RHBDL1: variants seen among roughly 807,000 people sequenced by gnomAD.
The protein encoded by RHBDL1 is rhomboid-related protein 1.
Under a neutral mutation model 34.0 loss-of-function variants are expected in RHBDL1, and 21 were observed. That is an observed-to-expected ratio of 0.62 (90% confidence interval 0.44 to 0.89). The LOEUF is 0.89. RHBDL1 is among the 40% of genes least tolerant of loss of function. RHBDL1 has a pLI of 0.00. For synonymous variants in RHBDL1, 268 were observed against 234.8 expected (o/e 1.14, Z -1.29); for missense variants, 450 against 530.6 (o/e 0.85, Z 1.49).
chr16:676,842 C>T lies in RHBDL1; in HGVS notation c.372C>T (p.Tyr124=), dbSNP rs748530199. 9 of 1,611,810 alleles carry T rather than the reference C, an allele frequency of 5.6e-6. No individual in the cohort carries two copies. Among genetic ancestry groups the T allele is most frequent in the South Asian group, 3.3e-5 (3 of 91,018 alleles). The change falls in exon 3 of 8, where the codon TAC becomes TAT. Residue 124 remains tyrosine, a synonymous_variant. Coordinates refer to ENST00000352681, the MANE Select transcript of RHBDL1 (RefSeq NM_001278720.2). The surrounding 1 kb of genome is among the most constrained non-coding windows in gnomAD (Gnocchi z 6.9). The part of the protein sequence containing the change: ...PCEVDRRWYF[Y]RHRSCPPPVF... The stretch of plus-strand genomic sequence containing the variant: ...AGGTGGACCGCCGCTGGTACTTCTA[C>T]CGTCACCGCAGCTGCCCACCCCCCG...
chr16:676,216 G>A lies in RHBDL1; in HGVS notation c.40-120G>A. The A allele has an allele frequency of 6.5e-7, 1 of 1,540,794 alleles. No homozygotes were observed. The highest frequency in any genetic ancestry group is 8.8e-7 in the Non-Finnish European group (1 of 1,141,438). ...GGGTCCCAGGGAACAGACAGGCACG[G>A]GGCCCCTGTCCCAAAAGTGCTGGGA... On this transcript the variant is annotated intron_variant, in intron 1 of 7. Transcript: ENST00000352681. This position sits in a 1 kb window ranked among gnomAD's most constrained non-coding sequence, Gnocchi z 6.9.
rs779815804 is a variant in RHBDL1 at position 676,626 on chromosome 16, G to A, written c.202-46G>A. On this transcript the variant is annotated intron_variant, in intron 2 of 7. Coordinates refer to ENST00000352681, the MANE Select transcript of RHBDL1 (RefSeq NM_001278720.2). This position sits in a 1 kb window ranked among gnomAD's most constrained non-coding sequence, Gnocchi z 6.9. ...AGCTGGGTGAGCCTCACAGGCAGGGGTGCCATGGGGAGGTCCGTGGCCCAC... is the reference window on the plus strand; with the variant it reads ...AGCTGGGTGAGCCTCACAGGCAGGGATGCCATGGGGAGGTCCGTGGCCCAC... 11 of 1,596,956 alleles carry A rather than the reference G, an allele frequency of 6.9e-6. No individual in the cohort carries two copies. Among genetic ancestry groups the A allele is most frequent in the Non-Finnish European group, 9.4e-6 (11 of 1,172,726 alleles).
At position 676,668 on chromosome 16, in the gene RHBDL1, C is replaced by T; in HGVS notation, c.202-4C>T. ...GTGGCCCACACTCAGGCCCCTGCCC[C>T]CAGATCAGCAGCAAGCGCTCCAGCA... is the stretch of plus-strand genomic sequence containing the variant. On this transcript the variant is annotated splice_region_variant and splice_polypyrimidine_tract_variant and intron_variant, in intron 2 of 7. Transcript: ENST00000352681. This position sits in a 1 kb window ranked among gnomAD's most constrained non-coding sequence, Gnocchi z 6.9. The T allele has an allele frequency of 6.2e-7, 1 of 1,610,976 alleles. No individual in the cohort carries two copies. The highest frequency in any genetic ancestry group is 1.7e-5 in the Admixed American group (1 of 59,996).
In RHBDL1 at chr16:676,745, C is replaced by G. The variant is rs560884304; in HGVS notation, c.275C>G (p.Pro92Arg). Reference protein sequence around the residue: ...NGQRALPRDGPLDEPGLGVYK... With the variant: ...NGQRALPRDGRLDEPGLGVYK... ...CAGCGGGCACTGCCCCGGGACGGGCCGCTGGATGAGCCAGGCCTAGGTGTC... is the reference window on the plus strand; with the variant it reads ...CAGCGGGCACTGCCCCGGGACGGGCGGCTGGATGAGCCAGGCCTAGGTGTC... Residue 92 changes from proline (P) to arginine (R), a missense_variant, in exon 3 of 8, where the codon CCG (proline) becomes CGG (arginine). Pro to Arg is a moderately radical substitution (Grantham distance 103, BLOSUM62 -2). Coordinates refer to ENST00000352681, the MANE Select transcript of RHBDL1 (RefSeq NM_001278720.2). The surrounding 1 kb of genome is among the most constrained non-coding windows in gnomAD (Gnocchi z 6.9). The G allele has an allele frequency of 6.2e-7, 1 of 1,612,030 alleles. No individual in the cohort carries two copies. The highest frequency in any genetic ancestry group is 2.2e-5 in the East Asian group (1 of 44,856).
chr16:678,266 G>A lies in RHBDL1; in HGVS notation c.*214G>A, dbSNP rs998940044. 1.5e-6 allele frequency: 2 copies of A among 1,321,282 alleles called. No homozygotes were observed. Among genetic ancestry groups the A allele is most frequent in the African/African-American group, 3.0e-5 (2 of 65,762 alleles). The allele number at this position is 1,321,282 out of a possible 1,614,324, so 81.8% of individuals were successfully genotyped here. The stretch of plus-strand genomic sequence containing the variant: ...GGATAATTAATAAATATTTTACACA[G>A]CACCAGGGGGCTGTCCCGGGCTCTG... On this transcript the variant is annotated 3_prime_UTR_variant, in exon 8 of 8. Coordinates refer to ENST00000352681, the MANE Select transcript of RHBDL1 (RefSeq NM_001278720.2).
intron 1 of RHBDL1, 142 bp downstream of exon 1, chr16:675,971 C>T (rs2039527742): frequency 6.5e-6 from 9 of 1,391,712 alleles, no homozygotes; most frequent in Non-Finnish European, 2.8e-6. Flanking sequence ...GTCCGTGTGT[C>T]TGGGACCCCA....
rs770519327 is a variant in RHBDL1, at chr16:676,914, T to C, written c.426+18T>C. The C allele has an allele frequency of 9.3e-6, 15 of 1,611,444 alleles. No individual in the cohort carries two copies. In the African/African-American group the frequency reaches 9.4e-5, roughly 10 times the overall value. On this transcript the variant is annotated intron_variant, in intron 3 of 7. Transcript: ENST00000352681. This position sits in a 1 kb window ranked among gnomAD's most constrained non-coding sequence, Gnocchi z 6.9. Reference sequence around the variant, plus strand: ...TTGCCCAGGTGGGCCCCCCGGCCGCTGCCCCGGGAGCCTCCCGCGCTCCTG... The same window carrying C: ...TTGCCCAGGTGGGCCCCCCGGCCGCCGCCCCGGGAGCCTCCCGCGCTCCTG...
rs1366952943 is a variant in RHBDL1 at position 678,195 on chromosome 16, C to T, written c.*143C>T. ...GGTGGCCTCAAAGGAGGCCCTGTCC[C>T]AGCCACCCACCCCCCACTCCCAGGA... is the stretch of plus-strand genomic sequence containing the variant. On this transcript the variant is annotated 3_prime_UTR_variant, in exon 8 of 8. Transcript: ENST00000352681. The T allele has an allele frequency of 2.2e-6, 3 of 1,388,230 alleles. No individual in the cohort carries two copies. Among genetic ancestry groups the T allele is most frequent in the Non-Finnish European group, 2.8e-6 (3 of 1,077,576 alleles). 86.0% of individuals were successfully genotyped at this position (1,388,230 alleles called of 1,614,324 possible). A position where few individuals can be genotyped will look rare whatever the true frequency, so the allele number is the denominator to read the frequency against.
chr16:676,301 G>C lies in RHBDL1; in HGVS notation c.40-35G>C, dbSNP rs139776304. ...GCCCTTTGGTCCAGGGGTCGGGCCC[G>C]CACTCAGGCCTTGGCTGGCGGCTCC... On this transcript the variant is annotated intron_variant, in intron 1 of 7. Coordinates refer to ENST00000352681, the MANE Select transcript of RHBDL1 (RefSeq NM_001278720.2). This position sits in a 1 kb window ranked among gnomAD's most constrained non-coding sequence, Gnocchi z 6.9. The C allele has an allele frequency of 6.2e-7, 1 of 1,600,260 alleles. No homozygotes were observed. The highest frequency in any genetic ancestry group is 1.7e-5 in the Admixed American group (1 of 58,582).
chr16:675,746 C>G lies in RHBDL1; in HGVS notation c.-45C>G. 1 of 1,345,474 alleles carries G rather than the reference C, an allele frequency of 7.4e-7. No homozygotes were observed. The highest frequency in any genetic ancestry group is 1.5e-5 in the African/African-American group (1 of 66,032). 83.3% of individuals were successfully genotyped at this position (1,345,474 alleles called of 1,614,324 possible). On this transcript the variant is annotated 5_prime_UTR_variant, in exon 1 of 8. Transcript: ENST00000352681. Reference sequence around the variant, plus strand: ...GAGTCGTCCGCAGAGCAGCCCCTCCCGGCCGCGGCCGCCGACCCCGGACCC... The same window carrying G: ...GAGTCGTCCGCAGAGCAGCCCCTCCGGGCCGCGGCCGCCGACCCCGGACCC...
rs1596546075 is a variant in RHBDL1, at chr16:678,136, G to A, written c.*84G>A. The A allele has an allele frequency of 4.9e-6, 7 of 1,437,516 alleles. No individual in the cohort carries two copies. Among genetic ancestry groups the A allele is most frequent in the Non-Finnish European group, 2.7e-6 (3 of 1,101,998 alleles). 89.0% of individuals were successfully genotyped at this position (1,437,516 alleles called of 1,614,324 possible). ...GCCTTCACGTCTGCCCTTTGTGAAC[G>A]GACGTCTCAGGGCTGCTGTGCCCCT... On this transcript the variant is annotated 3_prime_UTR_variant, in exon 8 of 8. Coordinates refer to ENST00000352681, the MANE Select transcript of RHBDL1 (RefSeq NM_001278720.2).
In RHBDL1 at chr16:678,211, A is replaced by C; in HGVS notation, c.*159A>C. ...GCCCTGTCCCAGCCACCCACCCCCC[A>C]CTCCCAGGACTTGCGGTCTGAGCCT... On this transcript the variant is annotated 3_prime_UTR_variant, in exon 8 of 8. Coordinates refer to ENST00000352681, the MANE Select transcript of RHBDL1 (RefSeq NM_001278720.2). The C allele has an allele frequency of 1.5e-6, 2 of 1,372,254 alleles. No homozygotes were observed. The highest frequency in any genetic ancestry group is 1.9e-6 in the Non-Finnish European group (2 of 1,067,268). 85.0% of individuals were successfully genotyped at this position (1,372,254 alleles called of 1,614,324 possible).
rs912955006 is a variant in RHBDL1 at position 675,757 on chromosome 16, G to T, written c.-34G>T. On this transcript the variant is annotated 5_prime_UTR_variant, in exon 1 of 8. Transcript: ENST00000352681. ...AGAGCAGCCCCTCCCGGCCGCGGCC[G>T]CCGACCCCGGACCCCGGCCCCCGGC... 1 of 1,423,808 alleles carries T rather than the reference G, an allele frequency of 7.0e-7. No homozygotes were observed. The highest frequency in any genetic ancestry group is 9.3e-7 in the Non-Finnish European group (1 of 1,079,742). 88.2% of individuals were successfully genotyped at this position (1,423,808 alleles called of 1,614,324 possible).
At position 676,215 on chromosome 16, in the gene RHBDL1, G is replaced by A. The variant is rs768325587; in HGVS notation, c.40-121G>A. On this transcript the variant is annotated intron_variant, in intron 1 of 7. Coordinates refer to ENST00000352681, the MANE Select transcript of RHBDL1 (RefSeq NM_001278720.2). The surrounding 1 kb of genome is among the most constrained non-coding windows in gnomAD (Gnocchi z 6.9). ...AGGGTCCCAGGGAACAGACAGGCACGGGGCCCCTGTCCCAAAAGTGCTGGG... is the reference window on the plus strand; with the variant it reads ...AGGGTCCCAGGGAACAGACAGGCACAGGGCCCCTGTCCCAAAAGTGCTGGG... 32 of 1,539,442 alleles carry A rather than the reference G, an allele frequency of 2.1e-5. No individual in the cohort carries two copies. Among genetic ancestry groups the A allele is most frequent in the Middle Eastern group, 1.9e-4 (1 of 5,362 alleles).
In RHBDL1 at chr16:677,256, G is replaced by A. The variant is rs377661052; in HGVS notation, c.576-20G>A. The stretch of plus-strand genomic sequence containing the variant: ...ATGGCTGACCCCACCCTTCGTACCC[G>A]TTTGCTTCCCTGTGGCCAGGCTGGA... On this transcript the variant is annotated intron_variant, in intron 4 of 7. Transcript: ENST00000352681. 43 of 1,559,966 alleles carry A rather than the reference G, an allele frequency of 2.8e-5. No homozygotes were observed. The highest frequency in any genetic ancestry group is 3.3e-5 in the Non-Finnish European group (38 of 1,153,054).
rs1210259887 is a variant in RHBDL1 at position 675,844 on chromosome 16, G to A, written c.39+15G>A. 7 of 1,513,900 alleles carry A rather than the reference G, an allele frequency of 4.6e-6. No individual in the cohort carries two copies. In the Middle Eastern group the frequency reaches 5.4e-4, roughly 118 times the overall value. The allele number at this position is 1,513,900 out of a possible 1,614,324, so 93.8% of individuals were successfully genotyped here. A position where few individuals can be genotyped will look rare whatever the true frequency, so the allele number is the denominator to read the frequency against. On this transcript the variant is annotated intron_variant, in intron 1 of 7. Transcript: ENST00000352681. ...TCCAGGAGCAGGTGCGTCGGGGGGT[G>A]GTCTGGGGAGCTGGCACCGCCCCCA...
rs761244076 is a variant in RHBDL1, at chr16:677,406, C to A, written c.688+18C>A. Reference sequence around the variant, plus strand: ...GCTGGCAGGTGAGGCAGGCGCGCACCCCCGCCCCCTGCCCTGGCCGGCTGC... The same window carrying A: ...GCTGGCAGGTGAGGCAGGCGCGCACACCCGCCCCCTGCCCTGGCCGGCTGC... On this transcript the variant is annotated intron_variant, in intron 5 of 7. Coordinates refer to ENST00000352681, the MANE Select transcript of RHBDL1 (RefSeq NM_001278720.2). 1.1e-5 allele frequency: 18 copies of A among 1,569,528 alleles called. No homozygotes were observed. The highest frequency in any genetic ancestry group is 1.3e-5 in the Non-Finnish European group (15 of 1,160,154).
Position 676,380 on chromosome 16 carries a change from C to T in RHBDL1, c.84C>T (p.Phe28=). The change falls in exon 2 of 8, where the codon TTC becomes TTT. Residue 28 remains phenylalanine, a synonymous_variant. Coordinates refer to ENST00000352681, the MANE Select transcript of RHBDL1 (RefSeq NM_001278720.2). The surrounding 1 kb of genome is among the most constrained non-coding windows in gnomAD (Gnocchi z 6.9). ...CAGGCTTCATCGGTGCGGACACCTTCACTGGCCTGGTGCACAGCCATGAGC... is the reference window on the plus strand; with the variant it reads ...CAGGCTTCATCGGTGCGGACACCTTTACTGGCCTGGTGCACAGCCATGAGC... ...ENTGFIGADT[F]TGLVHSHELP... 1 of 1,609,812 alleles carries T rather than the reference C, an allele frequency of 6.2e-7. No homozygotes were observed. The highest frequency in any genetic ancestry group is 8.5e-7 in the Non-Finnish European group (1 of 1,179,088).
Position 676,837 on chromosome 16 carries a change from T to C in RHBDL1, c.367T>C (p.Phe123Leu). The C allele has an allele frequency of 6.2e-7, 1 of 1,611,238 alleles. No homozygotes were observed. Among genetic ancestry groups the C allele is most frequent in the Non-Finnish European group, 8.5e-7 (1 of 1,179,590 alleles). ...LPCEVDRRWY[F>L]YRHRSCPPPV... ...TTGTGAGGTGGACCGCCGCTGGTAC[T>C]TCTACCGTCACCGCAGCTGCCCACC... is the stretch of plus-strand genomic sequence containing the variant. The change falls in exon 3 of 8, where the codon TTC becomes CTC. Residue 123 changes from phenylalanine (F) to leucine (L), a missense_variant. Coordinates refer to ENST00000352681, the MANE Select transcript of RHBDL1 (RefSeq NM_001278720.2). The surrounding 1 kb of genome is among the most constrained non-coding windows in gnomAD (Gnocchi z 6.9).
Sources: gnomAD v4.1 joint callset for allele counts on GRCh38, gnomAD v4.1.1 for gene constraint, Gnocchi (gnomAD v3.1) non-coding constraint, MANE v1.5 for transcripts, NCBI Gene and HGNC (gene_info 2026-07-23, HGNC 2026-07-21) for gene names.